The following ACTMAP variants were observed in gnomAD, a reference collection of about 807,000 sequenced individuals.
ACTMAP encodes actin maturation protease.
At chr19:40,742,797 G>A in the ACTMAP span, 2 of 1,577,654 alleles carry the variant, frequency 1.3e-6, no homozygotes, top group Non-Finnish European at 1.7e-6. Context: ...GGTGGTGAGT[G>A]GCAGTGACTG....
chr19:40,742,479 A>G, the ACTMAP span: 2 of 1,477,660 alleles, frequency 1.4e-6, no homozygotes, highest in Non-Finnish European at 1.8e-6. Context: ...CTGGCCACAG[A>G]GGCCAGCCCG....
chr19:40,742,114 T>G, the ACTMAP span: 2 of 558,296 alleles, frequency 3.6e-6, no homozygotes, highest in South Asian at 3.1e-5. Flanking sequence ...CGCAGTTCAG[T>G]GTCCCTGTCC....
chr19:40,742,687 C>T, the ACTMAP span: 1 of 1,613,128 alleles, frequency 6.2e-7, no homozygotes, highest in Non-Finnish European at 8.5e-7. Flanking sequence ...CAGGGCGTGC[C>T]CAGCACTGGG....
At chr19:40,743,843 A>T in the ACTMAP span, 1 of 1,579,804 alleles carries the variant, frequency 6.3e-7, no homozygotes. Flanking sequence ...GAATGTCAGG[A>T]GGATTAATGG....
chr19:40,746,507 C>G, the ACTMAP span, among the ~76,000 whole-genome samples: 1 of 152,060 alleles, frequency 6.6e-6, no homozygotes, highest in South Asian at 2.1e-4. Flanking sequence ...TCCCGAATAG[C>G]TGGGACTGCA....
At chr19:40,745,446 G>A in the ACTMAP span, among the ~76,000 whole-genome samples, 6 of 152,194 alleles carry the variant, frequency 3.9e-5, no homozygotes, top group Non-Finnish European at 5.9e-5. Flanking sequence ...ATTGAAGGGT[G>A]AGGAGCAAAG....
the ACTMAP span, among the ~76,000 whole-genome samples, chr19:40,746,183 T>C: frequency 6.6e-6 from 1 of 152,314 alleles, no homozygotes; most frequent in East Asian, 1.9e-4. Context: ...GCCACTCAGA[T>C]AGTCTGGCCC....
At chr19:40,745,794 T>C in the ACTMAP span, among the ~76,000 whole-genome samples, 10 of 152,332 alleles carry the variant, frequency 6.6e-5, no homozygotes, top group Non-Finnish European at 1.3e-4. Flanking sequence ...TGCCTCAGCC[T>C]CCCGAGTAGC....
At chr19:40,740,938 T>C in the ACTMAP span, 1 of 398,504 alleles carries the variant, frequency 2.5e-6, no homozygotes, top group Non-Finnish European at 4.4e-6. Flanking sequence ...TAATGAGCAG[T>C]TTGGGAAAGA....
the ACTMAP span, chr19:40,742,699 G>A: frequency 6.2e-7 from 1 of 1,612,922 alleles, no homozygotes; most frequent in East Asian, 2.2e-5. Flanking sequence ...AGCACTGGGT[G>A]GAACAGGCCC....
At chr19:40,749,653 G>T in the ACTMAP span, 16 of 1,547,658 alleles carry the variant, frequency 1.0e-5, no homozygotes, top group Non-Finnish European at 1.4e-5. Context: ...GGGGGAACAG[G>T]GGTCTGCTGA....
chr19:40,742,875 G>T, the ACTMAP span: 1 of 1,134,924 alleles, frequency 8.8e-7, no homozygotes, highest in Non-Finnish European at 1.2e-6. Flanking sequence ...GGGTGCAGCT[G>T]CCATTCCTAG....
chr19:40,742,336 C>T, the ACTMAP span: 1 of 1,256,702 alleles, frequency 8.0e-7, no homozygotes. Flanking sequence ...ACCCCTGAGA[C>T]CTAGCTTCAA....
the ACTMAP span, chr19:40,744,523 T>G: frequency 6.2e-7 from 1 of 1,610,520 alleles, no homozygotes; most frequent in East Asian, 2.2e-5. Flanking sequence ...CCCAGCCTCA[T>G]GAAGAGATGA....
At chr19:40,741,401 C>T in the ACTMAP span, 1 of 218,846 alleles carries the variant, frequency 4.6e-6, no homozygotes, top group Non-Finnish European at 9.3e-6. Flanking sequence ...TGAGATCACG[C>T]CACCGCACTC....
chr19:40,742,735 C>G, the ACTMAP span: 1 of 1,611,124 alleles, frequency 6.2e-7, no homozygotes, highest in Non-Finnish European at 8.5e-7. Flanking sequence ...TCAGTGTAGC[C>G]GAGACTGGGC....
the ACTMAP span, among the ~76,000 whole-genome samples, chr19:40,746,670 C>T: frequency 2.0e-5 from 3 of 152,124 alleles, no homozygotes; most frequent in African/African-American, 4.8e-5. Flanking sequence ...CCACTGCACC[C>T]GGCCCTTTTT....
chr19:40,748,538 C>T, the ACTMAP span, among the ~76,000 whole-genome samples: 2 of 152,068 alleles, frequency 1.3e-5, no homozygotes, highest in Admixed American at 6.6e-5. Flanking sequence ...CTGGATGTCC[C>T]AGTTTCCTCA....
the ACTMAP span, among the ~76,000 whole-genome samples, chr19:40,746,393 G>GT: frequency 6.7e-6 from 1 of 150,098 alleles, no homozygotes; most frequent in South Asian, 2.1e-4. Context: ...CTAAGTTTTT[G>GT]TTTTTGTTTT....
Sources: gnomAD v4.1 joint callset for allele counts (sites outside exome capture counted in the v4.1 genomes callset) on GRCh38, gnomAD v4.1.1 for gene constraint, MANE v1.5 for transcripts, NCBI Gene and HGNC (gene_info 2026-07-23, HGNC 2026-07-21) for gene names.